CEP85L: variants seen among roughly 807,000 people sequenced by gnomAD.
CEP85L encodes centrosomal protein 85L.
In CEP85L, 60 loss-of-function variants were observed where a neutral mutation model predicts 100.3. The ratio of observed to expected loss-of-function variants is 0.60; its 90% confidence interval spans 0.49 to 0.74. The LOEUF (loss-of-function observed/expected upper bound fraction) is 0.74. Ranked by LOEUF, CEP85L falls within the 30% of genes least tolerant of loss-of-function variation. CEP85L has a pLI of 0.00. For synonymous variants in CEP85L, 319 were observed against 322.7 expected, an observed-to-expected ratio of 0.99 and a Z score of 0.12; for missense variants, 973 against 936.2, an observed-to-expected ratio of 1.04 and a Z score of -0.51.
intron 1 of CEP85L, among the ~76,000 whole-genome samples, chr6:118,648,080 C>T (rs564835807): frequency 2.0e-5 from 3 of 152,056 alleles, no homozygotes; most frequent in Non-Finnish European, 2.9e-5. Flanking sequence ...ATGGTGAGAC[C>T]TTGTCTCTAC....
At position 118,463,310 on chromosome 6, in the gene CEP85L, G is replaced by C. The variant is rs1772323584; in HGVS notation, c.*2095C>G. 6.6e-6 allele frequency: 1 copy of C among 151,814 alleles called. No individual in the cohort carries two copies. The highest frequency in any genetic ancestry group is 6.6e-5 in the Admixed American group (1 of 15,230). 9.4% of individuals were successfully genotyped at this position (151,814 alleles called of 1,614,324 possible). ...AAACATACACTAAAAATCTAGGAGA[G>C]ATATTTAAGTAAGAACCTACTGGTC... On this transcript the variant is annotated 3_prime_UTR_variant, in exon 13 of 13. Coordinates refer to ENST00000368491, the MANE Select transcript of CEP85L (RefSeq NM_001042475.3).
chr6:118,659,666 CAA>C (rs1156530203), intron 1 of CEP85L, among the ~76,000 whole-genome samples: 2 of 152,216 alleles, frequency 1.3e-5, no homozygotes, highest in African/African-American at 4.8e-5. Flanking sequence ...AAGGCAATAT[CAA>C]GAGAATTCGT....
intron 3 of CEP85L, among the ~76,000 whole-genome samples, chr6:118,529,114 G>C (rs1169118275): frequency 6.6e-6 from 1 of 152,152 alleles, no homozygotes; most frequent in East Asian, 1.9e-4. Context: ...ATAGTGATAA[G>C]GGAATTAGAT....
At chr6:118,641,011 G>A (rs945439989) in intron 1 of CEP85L, among the ~76,000 whole-genome samples, 1 of 152,114 alleles carries the variant, frequency 6.6e-6, no homozygotes, top group Non-Finnish European at 1.5e-5. Context: ...TTTCTGTACT[G>A]AGTCAACATT....
chr6:118,648,479 C>T (rs1362447321), intron 1 of CEP85L, among the ~76,000 whole-genome samples: 1 of 151,334 alleles, frequency 6.6e-6, no homozygotes, highest in Non-Finnish European at 1.5e-5. Flanking sequence ...CGGTGGCTCA[C>T]GCCTGTAATC....
intron 1 of CEP85L, among the ~76,000 whole-genome samples, chr6:118,666,760 A>T (rs1448881744): frequency 6.8e-6 from 1 of 147,516 alleles, no homozygotes; most frequent in Non-Finnish European, 1.5e-5. Flanking sequence ...ATTTGGGATT[A>T]AGTTAAAAAA....
upstream of CEP85L, among the ~76,000 whole-genome samples, chr6:118,653,743 C>CTGTGTGTG (rs372465732): frequency 1.5e-5 from 2 of 130,548 alleles, no homozygotes; most frequent in Admixed American, 7.4e-5. Flanking sequence ...AATAGTGACT[C>CTGTGTGTG]TGTGTATGTG....
intron 1 of CEP85L, among the ~76,000 whole-genome samples, chr6:118,683,946 A>G (rs1275664491): frequency 6.6e-6 from 1 of 152,220 alleles, no homozygotes; most frequent in Non-Finnish European, 1.5e-5. Flanking sequence ...TTGCCTTGCC[A>G]AACTGACTTT....
chr6:118,526,930 A>G (rs1776997055), intron 3 of CEP85L, among the ~76,000 whole-genome samples: 1 of 152,100 alleles, frequency 6.6e-6, no homozygotes, highest in Non-Finnish European at 1.5e-5. Context: ...AACAGCCATA[A>G]AAATAGCCAA....
At chr6:118,477,668 A>G (rs963392696) in intron 10 of CEP85L, among the ~76,000 whole-genome samples, 3 of 152,132 alleles carry the variant, frequency 2.0e-5, no homozygotes, top group African/African-American at 7.2e-5. Flanking sequence ...TGTTCTCAAC[A>G]GTTTGCAAGG....
At chr6:118,520,206 T>C (rs1315711690) in intron 4 of CEP85L, among the ~76,000 whole-genome samples, 2 of 152,168 alleles carry the variant, frequency 1.3e-5, no homozygotes, top group Non-Finnish European at 2.9e-5. Flanking sequence ...CTCTATTTAC[T>C]TCAGTAGAAG....
intron 1 of CEP85L, among the ~76,000 whole-genome samples, chr6:118,686,166 A>G (rs1776822325): frequency 6.6e-6 from 1 of 151,656 alleles, no homozygotes; most frequent in Non-Finnish European, 1.5e-5. Context: ...ATGTGCTCGG[A>G]AGATATATGT....
chr6:118,464,081 T>C lies in CEP85L; in HGVS notation c.*1324A>G, dbSNP rs1282435241. On this transcript the variant is annotated 3_prime_UTR_variant, in exon 13 of 13. Coordinates refer to ENST00000368491, the MANE Select transcript of CEP85L (RefSeq NM_001042475.3). ...TAGTCTTGACCTAAATGAGACTTGG[T>C]TGCATCACAAGATCAAACCAACTTA... is the stretch of plus-strand genomic sequence containing the variant. The C allele has an allele frequency of 2.0e-5, 3 of 152,168 alleles. No individual in the cohort carries two copies. The highest frequency in any genetic ancestry group is 4.4e-5 in the Non-Finnish European group (3 of 68,002). The allele number at this position is 152,168 out of a possible 1,614,324, so 9.4% of individuals were successfully genotyped here.
chr6:118,525,498 G>A (rs1776913850), intron 3 of CEP85L, among the ~76,000 whole-genome samples: 1 of 152,110 alleles, frequency 6.6e-6, no homozygotes, highest in Non-Finnish European at 1.5e-5. Flanking sequence ...TAAAGAAAGG[G>A]GAAATTTTGG....
intron 3 of CEP85L, among the ~76,000 whole-genome samples, chr6:118,554,367 G>A (rs1253676239): frequency 1.3e-5 from 2 of 152,074 alleles, no homozygotes; most frequent in Non-Finnish European, 2.9e-5. Context: ...AGCTGGTCTC[G>A]AACTCCTGGG....
chr6:118,655,984 A>G (rs1775774987), upstream of CEP85L, among the ~76,000 whole-genome samples: 1 of 152,244 alleles, frequency 6.6e-6, no homozygotes, highest in Admixed American at 6.5e-5. Flanking sequence ...CTTTTCCGCC[A>G]TGCTCTTCAA....
At chr6:118,539,198 C>T (rs936557680) in intron 3 of CEP85L, among the ~76,000 whole-genome samples, 1 of 152,178 alleles carries the variant, frequency 6.6e-6, no homozygotes, top group Admixed American at 6.6e-5. Flanking sequence ...ATTTGATAGT[C>T]ATGCACTGCA....
chr6:118,534,338 C>A (rs564972429), intron 3 of CEP85L, among the ~76,000 whole-genome samples: 1 of 151,986 alleles, frequency 6.6e-6, no homozygotes, highest in South Asian at 2.1e-4. Flanking sequence ...AAGATCTGTA[C>A]ACTGAAAACT....
Position 118,460,848 on chromosome 6 carries a change from A to G in CEP85L, c.*4557T>C, listed in dbSNP as rs1474574966. The G allele has an allele frequency of 6.6e-6, 1 of 152,212 alleles. No homozygotes were observed. 9.4% of individuals were successfully genotyped at this position (152,212 alleles called of 1,614,324 possible). ...AACAATAGTCCAGTGGAAAAATACT[A>G]GCCATTAACATTGAAAACTTTTTTC... On this transcript the variant is annotated 3_prime_UTR_variant, in exon 13 of 13. Coordinates refer to ENST00000368491, the MANE Select transcript of CEP85L (RefSeq NM_001042475.3).
Sources: gnomAD v4.1 joint callset for allele counts (sites outside exome capture counted in the v4.1 genomes callset) on GRCh38, gnomAD v4.1.1 for gene constraint, MANE v1.5 for transcripts, NCBI Gene and HGNC (gene_info 2026-07-23, HGNC 2026-07-21) for gene names.